AGBL1: variants seen among roughly 807,000 people sequenced by gnomAD.
The protein encoded by AGBL1 is AGBL carboxypeptidase 1.
In AGBL1, 130 loss-of-function variants were observed where a neutral mutation model predicts 118.9. The ratio of observed to expected loss-of-function variants is 1.09; its 90% CI spans 0.95 to 1.26. The LOEUF (loss-of-function observed/expected upper bound fraction) is 1.26. Among genes scored for constraint, AGBL1 ranks in the 50% most tolerant of loss-of-function variants. The probability of loss-of-function intolerance (pLI) is 0.00; values close to 1 mark genes in which losing one functional copy is unlikely to be tolerated. For synonymous variants in AGBL1, 555 were observed against 478.9 expected, an observed-to-expected ratio of 1.16 and a Z score of -2.08; for missense variants, 1,584 against 1,298.1, an observed-to-expected ratio of 1.22 and a Z score of -3.38.
intron 22 of AGBL1, among the ~76,000 whole-genome samples, chr15:86,794,008 A>C (rs910300801): frequency 6.6e-6 from 1 of 152,232 alleles, no homozygotes; most frequent in Non-Finnish European, 1.5e-5. Flanking sequence ...GGTGCAAATG[A>C]AAATGGTGTA....
chr15:86,963,431 G>C (rs1438366676), intron 23 of AGBL1, among the ~76,000 whole-genome samples: 1 of 151,790 alleles, frequency 6.6e-6, no homozygotes, highest in African/African-American at 2.4e-5. Flanking sequence ...CTTTGGATTA[G>C]TGCTGTCCTC....
rs1384029019 is a variant in AGBL1, at chr15:86,795,557, A to G, written c.3159-111530A>G. On this transcript the variant is annotated intron_variant, in intron 22 of 22. Transcript: ENST00000614907. Reference sequence around the variant, plus strand: ...CCTCATCCAGCCCCTCAGCACAGGCATTTGACTAGTAAACCTTGCTTTCTG... The same window carrying G: ...CCTCATCCAGCCCCTCAGCACAGGCGTTTGACTAGTAAACCTTGCTTTCTG... 2.0e-5 allele frequency among the ~76,000 whole-genome samples: 3 copies of G among 149,488 alleles called. No homozygotes were observed. The East Asian group carries it at 6.0e-4, about 30-fold the overall frequency.
chr15:86,290,501 C>A (rs35084873), intron 16 of AGBL1, among the ~76,000 whole-genome samples: 9,329 of 151,286 alleles, frequency 0.062, 327 homozygotes, highest in Middle Eastern at 0.096. Context: ...CAGGTGTGCA[C>A]CACCATGCCC....
intron 1 of AGBL1, among the ~76,000 whole-genome samples, chr15:86,112,588 C>G (rs1597407857): frequency 6.6e-6 from 1 of 152,196 alleles, no homozygotes; most frequent in Non-Finnish European, 1.5e-5. Context: ...TGTTTGTCTC[C>G]ATCCCTTGGG....
chr15:86,720,897 A>G (rs1596403898), intron 22 of AGBL1, among the ~76,000 whole-genome samples: 1 of 152,374 alleles, frequency 6.6e-6, no homozygotes, highest in East Asian at 1.9e-4. Flanking sequence ...TGGAAAATCT[A>G]GAAGAAATGG....
intron 22 of AGBL1, among the ~76,000 whole-genome samples, chr15:86,828,076 A>G (rs78834432): frequency 0.052 from 7,902 of 150,970 alleles, 352 homozygotes; most frequent in East Asian, 0.19. Flanking sequence ...AATAAGCATG[A>G]CTACAAATAC....
intron 18 of AGBL1, among the ~76,000 whole-genome samples, chr15:86,441,782 A>G (rs1194518802): frequency 6.6e-6 from 1 of 152,228 alleles, no homozygotes; most frequent in Admixed American, 6.5e-5. Flanking sequence ...GCAGGAGTTA[A>G]GCCAGAATCT....
chr15:86,397,948 G>A (rs1215865616), intron 18 of AGBL1, among the ~76,000 whole-genome samples: 1 of 152,130 alleles, frequency 6.6e-6, no homozygotes. Context: ...CAAATGACTT[G>A]TCCAAATCAC....
At chr15:86,838,737 T>A (rs2079202336) in intron 22 of AGBL1, among the ~76,000 whole-genome samples, 1 of 151,458 alleles carries the variant, frequency 6.6e-6, no homozygotes, top group African/African-American at 2.4e-5. Context: ...CCCGGGAGTT[T>A]GAGACCAGCC....
intron 18 of AGBL1, among the ~76,000 whole-genome samples, chr15:86,442,657 A>G (rs956904883): frequency 6.6e-5 from 10 of 152,208 alleles, no homozygotes; most frequent in African/African-American, 9.6e-5. Context: ...AGAACTAGAT[A>G]TAATAGTGGG....
intron 22 of AGBL1, among the ~76,000 whole-genome samples, chr15:86,828,493 G>A (rs2079062305): frequency 6.6e-6 from 1 of 152,104 alleles, no homozygotes; most frequent in Non-Finnish European, 1.5e-5. Context: ...TCAGAAGAAA[G>A]CACTGTGGTG....
intron 17 of AGBL1, among the ~76,000 whole-genome samples, chr15:86,380,581 C>T (rs1460951264): frequency 6.6e-6 from 1 of 151,216 alleles, no homozygotes; most frequent in East Asian, 1.9e-4. Context: ...TCCCTCACTC[C>T]CTCCCTATGG....
At chr15:86,818,500 C>T (rs941323188) in intron 22 of AGBL1, among the ~76,000 whole-genome samples, 3 of 152,216 alleles carry the variant, frequency 2.0e-5, no homozygotes, top group Admixed American at 2.0e-4. Flanking sequence ...TCAGAAACCA[C>T]TCCCCCAAAC....
intron 18 of AGBL1, among the ~76,000 whole-genome samples, chr15:86,443,408 G>A (rs1039598712): frequency 6.6e-6 from 1 of 152,148 alleles, no homozygotes; most frequent in Admixed American, 6.5e-5. Flanking sequence ...GATGAAATCA[G>A]GGTATTAGCA....
intron 23 of AGBL1, among the ~76,000 whole-genome samples, chr15:86,986,610 C>G (rs2081286088): frequency 6.6e-6 from 1 of 152,018 alleles, no homozygotes; most frequent in Non-Finnish European, 1.5e-5. Flanking sequence ...ATCTGGTGTG[C>G]TTTAGACTGG....
chr15:86,260,935 G>T (rs1273705209), intron 9 of AGBL1, among the ~76,000 whole-genome samples: 3 of 152,212 alleles, frequency 2.0e-5, no homozygotes, highest in Non-Finnish European at 4.4e-5. Flanking sequence ...GTGGCAACCT[G>T]GCTGAGTGCC....
At position 86,911,983 on chromosome 15, in the gene AGBL1, C is replaced by G. The variant is rs2080358291; in HGVS notation, c.*4689C>G. On this transcript the variant is annotated 3_prime_UTR_variant, in exon 23 of 23. Coordinates refer to ENST00000614907, the MANE Select transcript of AGBL1 (RefSeq NM_001386094.1). ...AACCTGCTATTATCTTGGCATCTGT[C>G]CCTATACCTATCATACTTCTTAACA... is the stretch of plus-strand genomic sequence containing the variant. 6.6e-6 allele frequency: 1 copy of G among 152,120 alleles called. No individual in the cohort carries two copies. The highest frequency in any genetic ancestry group is 2.4e-5 in the African/African-American group (1 of 41,414). 9.4% of individuals were successfully genotyped at this position (152,120 alleles called of 1,614,324 possible). A position where few individuals can be genotyped will look rare whatever the true frequency, so the allele number is the denominator to read the frequency against.
At chr15:86,536,789 C>T (rs1158396160) in intron 19 of AGBL1, among the ~76,000 whole-genome samples, 1 of 152,124 alleles carries the variant, frequency 6.6e-6, no homozygotes, top group East Asian at 1.9e-4. Flanking sequence ...TCCCTCTGCC[C>T]AGAGCTAGTG....
intron 22 of AGBL1, among the ~76,000 whole-genome samples, chr15:86,788,718 T>G (rs1031228285): frequency 6.6e-6 from 1 of 152,192 alleles, no homozygotes. Context: ...CTGAACAGTT[T>G]TATAAGGATA....
Sources: gnomAD v4.1 joint callset for allele counts (sites outside exome capture counted in the v4.1 genomes callset) on GRCh38, gnomAD v4.1.1 for gene constraint, MANE v1.5 for transcripts, NCBI Gene and HGNC (gene_info 2026-07-23, HGNC 2026-07-21) for gene names.